MAN2B2: variants seen among roughly 807,000 people sequenced by gnomAD.
MAN2B2 encodes the protein mannosidase alpha class 2B member 2.
MAN2B2 carries 106 observed loss-of-function variants against 117.1 expected under a neutral mutation model. The ratio of observed to expected loss-of-function variants is 0.90; its 90% confidence interval spans 0.77 to 1.06. The LOEUF is 1.06. Ranked by LOEUF, MAN2B2 falls within the 50% of genes least tolerant of loss-of-function variation. MAN2B2 has a pLI of 0.00. For synonymous variants in MAN2B2, 544 were observed against 595.1 expected (o/e 0.91, Z 1.25); for missense variants, 1,326 against 1,381.4 (o/e 0.96, Z 0.64).
rs1449522227 is a variant in MAN2B2, at chr4:6,600,748, C to T, written c.1531C>T (p.Pro511Ser). The change falls in exon 10 of 19, where the codon CCC becomes TCC. Residue 511 changes from proline to serine, a missense_variant. Pro to Ser is a moderately conservative substitution (Grantham distance 74). Coordinates refer to ENST00000285599, the MANE Select transcript of MAN2B2 (RefSeq NM_015274.3). ...CACAGATGAGGCGGGCCACCCAGTGCCCTCGCAGGTATGGACACAAAATCC... is the reference window on the plus strand; with the variant it reads ...CACAGATGAGGCGGGCCACCCAGTGTCCTCGCAGGTATGGACACAAAATCC... ...RVTDEAGHPV[P>S]SQIQNSTETP... 7 of 1,613,296 alleles carry T rather than the reference C, an allele frequency of 4.3e-6. No individual in the cohort carries two copies. Among genetic ancestry groups the T allele is most frequent in the Non-Finnish European group, 5.9e-6 (7 of 1,180,030 alleles).
At chr4:6,598,843 G>A (rs1727212130) in intron 9 of MAN2B2, among the ~76,000 whole-genome samples, 1 of 152,198 alleles carries the variant, frequency 6.6e-6, no homozygotes, top group African/African-American at 2.4e-5. Context: ...CCTGGCTCCT[G>A]GCACTCCCTC....
intron 7 of MAN2B2, 41 bp from the exon 8 acceptor site, chr4:6,597,072 G>C: frequency 6.3e-7 from 1 of 1,582,962 alleles, no homozygotes; most frequent in Non-Finnish European, 8.6e-7. Flanking sequence ...AGACTTCTGG[G>C]TCATGCCGTC....
At chr4:6,579,084 CCATCACCATCACCAGCACCACCACCAT>C (rs1726212340) in intron 3 of MAN2B2, among the ~76,000 whole-genome samples, 2 of 74,386 alleles carry the variant, frequency 2.7e-5, no homozygotes, top group African/African-American at 6.8e-5. Context: ...ACCACCACCA[CCATCACCATCACCAGCACCACCACCAT>C]CACCATCACC....
chr4:6,588,310 G>A (rs1013850676), intron 4 of MAN2B2, among the ~76,000 whole-genome samples: 2 of 152,228 alleles, frequency 1.3e-5, no homozygotes, highest in South Asian at 2.1e-4. Context: ...CAGTGCCCCC[G>A]TATCATCTTC....
intron 3 of MAN2B2, among the ~76,000 whole-genome samples, chr4:6,583,088 T>C (rs1726498710): frequency 6.6e-6 from 1 of 152,198 alleles, no homozygotes; most frequent in African/African-American, 2.4e-5. Context: ...CCCCACAGTG[T>C]TGCCTGCCTG....
rs558010344 is a variant in MAN2B2 at position 6,621,360 on chromosome 4, A to G, written c.*75A>G. 167 of 1,289,322 alleles carry G rather than the reference A, an allele frequency of 1.3e-4. 1 individual carries two copies. The South Asian group carries it at 1.9e-3, about 14-fold the overall frequency. The allele number at this position is 1,289,322 out of a possible 1,614,324, so 79.9% of individuals were successfully genotyped here. A position where few individuals can be genotyped will look rare whatever the true frequency, so the allele number is the denominator to read the frequency against. On this transcript the variant is annotated 3_prime_UTR_variant, in exon 19 of 19. Coordinates refer to ENST00000285599, the MANE Select transcript of MAN2B2 (RefSeq NM_015274.3). ...AACAGAACAGACCCAGGACAGGGAA[A>G]AGCAGTGCGGAGGGATGGGACTGGG...
intron 15 of MAN2B2, 128 bp from the exon 16 acceptor site, chr4:6,614,090 A>G: frequency 8.5e-7 from 1 of 1,176,088 alleles, no homozygotes; most frequent in South Asian, 1.5e-5. Context: ...GGTGCGGGGT[A>G]GGCTACCCAC....
chr4:6,607,529 A>G (rs1560657329), intron 11 of MAN2B2, among the ~76,000 whole-genome samples: 2 of 152,202 alleles, frequency 1.3e-5, no homozygotes, highest in Admixed American at 6.5e-5. Context: ...CATGTTTTCA[A>G]GGTTCATCAG....
intron 5 of MAN2B2, among the ~76,000 whole-genome samples, chr4:6,590,460 G>T (rs1726811293): frequency 6.6e-6 from 1 of 152,096 alleles, no homozygotes; most frequent in African/African-American, 2.4e-5. Flanking sequence ...GGCCATGACA[G>T]GTCCCCTTCT....
chr4:6,597,420 G>A lies in MAN2B2; in HGVS notation c.1248+117G>A. The A allele has an allele frequency of 3.5e-6, 4 of 1,148,228 alleles. No homozygotes were observed. In the South Asian group the frequency reaches 6.9e-5, roughly 20 times the overall value. 71.1% of individuals were successfully genotyped at this position (1,148,228 alleles called of 1,614,324 possible). A position where few individuals can be genotyped will look rare whatever the true frequency, so the allele number is the denominator to read the frequency against. On this transcript the variant is annotated intron_variant, in intron 8 of 18. Coordinates refer to ENST00000285599, the MANE Select transcript of MAN2B2 (RefSeq NM_015274.3). ...GGCACTAGAGGCCCCACTTTACAGAGGGGAAACTGAGGTTCCCTTTGGTTA... is the reference window on the plus strand; with the variant it reads ...GGCACTAGAGGCCCCACTTTACAGAAGGGAAACTGAGGTTCCCTTTGGTTA...
In MAN2B2 at chr4:6,621,364, A is replaced by G; in HGVS notation, c.*79A>G. ...GAACAGACCCAGGACAGGGAAAAGCAGTGCGGAGGGATGGGACTGGGGAGT... is the reference window on the plus strand; with the variant it reads ...GAACAGACCCAGGACAGGGAAAAGCGGTGCGGAGGGATGGGACTGGGGAGT... On this transcript the variant is annotated 3_prime_UTR_variant, in exon 19 of 19. Coordinates refer to ENST00000285599, the MANE Select transcript of MAN2B2 (RefSeq NM_015274.3). The G allele has an allele frequency of 8.3e-7, 1 of 1,200,140 alleles. No individual in the cohort carries two copies. Among genetic ancestry groups the G allele is most frequent in the Non-Finnish European group, 1.2e-6 (1 of 833,680 alleles). 74.3% of individuals were successfully genotyped at this position (1,200,140 alleles called of 1,614,324 possible).
At position 6,611,146 on chromosome 4, in the gene MAN2B2, C is replaced by G. The variant is rs1362553781; in HGVS notation, c.2431C>G (p.Leu811Val). ...FDWDLGYNLT[L>V]NDTSVVHPVL... ...CTGGGACCTGGGCTACAACCTCACGCTGAACGACACCTCAGTCGTCCACCC... is the reference window on the plus strand; with the variant it reads ...CTGGGACCTGGGCTACAACCTCACGGTGAACGACACCTCAGTCGTCCACCC... The change falls in exon 15 of 19, where the codon CTG (leucine) becomes GTG (valine). Residue 811 changes from leucine to valine, a missense_variant. Coordinates refer to ENST00000285599, the MANE Select transcript of MAN2B2 (RefSeq NM_015274.3). The G allele has an allele frequency of 6.2e-7, 1 of 1,613,840 alleles. No individual in the cohort carries two copies. Among genetic ancestry groups the G allele is most frequent in the Non-Finnish European group, 8.5e-7 (1 of 1,180,020 alleles).
At chr4:6,604,627 A>G (rs1727464102) in intron 10 of MAN2B2, among the ~76,000 whole-genome samples, 1 of 151,794 alleles carries the variant, frequency 6.6e-6, no homozygotes. Flanking sequence ...TTTGGGTGGG[A>G]TGGGGTAGCT....
intron 15 of MAN2B2, among the ~76,000 whole-genome samples, chr4:6,612,360 G>A (rs535961665): frequency 2.6e-5 from 4 of 152,348 alleles, no homozygotes; most frequent in East Asian, 3.9e-4. Context: ...TTTCGTGGGT[G>A]TAGAGGAGTG....
intron 5 of MAN2B2, among the ~76,000 whole-genome samples, chr4:6,591,581 C>CT (rs1726861459): frequency 6.6e-6 from 1 of 152,160 alleles, no homozygotes; most frequent in Non-Finnish European, 1.5e-5. Flanking sequence ...GCTGGTCTGA[C>CT]TGATAGTGGA....
intron 3 of MAN2B2, among the ~76,000 whole-genome samples, chr4:6,583,459 G>A (rs1045094088): frequency 2.0e-5 from 3 of 152,266 alleles, no homozygotes; most frequent in South Asian, 2.1e-4. Context: ...AATGTATATC[G>A]GACGCCAATT....
intron 9 of MAN2B2, among the ~76,000 whole-genome samples, chr4:6,600,108 C>A (rs115840180): frequency 2.4e-3 from 373 of 152,332 alleles, no homozygotes; most frequent in Non-Finnish European, 4.5e-3. Flanking sequence ...AGACCTCACA[C>A]ACATGGGCTG....
In MAN2B2 at chr4:6,587,126, C is replaced by G. The variant is rs1726666987; in HGVS notation, c.522C>G (p.Ser174=). The G allele has an allele frequency of 1.2e-6, 2 of 1,613,736 alleles. No individual in the cohort carries two copies. The highest frequency in any genetic ancestry group is 2.7e-5 in the African/African-American group (2 of 74,948). ...ALAGFNAHLG[S]RIDYDLKAAM... is the part of the protein sequence containing the mutation. ...CGGGCTTCAATGCCCACCTCGGCTC[C>G]CGGATCGACTACGACCTGAAGGCAG... Residue 174 remains serine (S), a synonymous_variant, in exon 4 of 19, where the codon TCC becomes TCG. Transcript: ENST00000285599.
rs369773345 is a variant in MAN2B2 at position 6,621,273 on chromosome 4, T to C, written c.3018T>C (p.Phe1006=). 1 of 1,613,924 alleles carries C rather than the reference T, an allele frequency of 6.2e-7. No homozygotes were observed. The change falls in exon 19 of 19, where the codon TTT becomes TTC. Residue 1006 remains phenylalanine, a synonymous_variant. Coordinates refer to ENST00000285599, the MANE Select transcript of MAN2B2 (RefSeq NM_015274.3). ...PKEIRTFFIH[F]QQQ is the part of the protein sequence containing the mutation. Reference sequence around the variant, plus strand: ...AAATCCGGACGTTCTTTATTCACTTTCAACAGCAGTGAGCCCTGGGCAGAT... The same window carrying C: ...AAATCCGGACGTTCTTTATTCACTTCCAACAGCAGTGAGCCCTGGGCAGAT...
Sources: gnomAD v4.1 joint callset for allele counts (sites outside exome capture counted in the v4.1 genomes callset) on GRCh38, gnomAD v4.1.1 for gene constraint, MANE v1.5 for transcripts, NCBI Gene and HGNC (gene_info 2026-07-23, HGNC 2026-07-21) for gene names.